Variants in ZNF423 observed in about 807,000 individuals in gnomAD.
ZNF423 encodes the protein Ebf-associated zinc finger protein.
In ZNF423, 12 loss-of-function variants were observed where a neutral mutation model predicts 95.8. The ratio of observed to expected loss-of-function variants is 0.13; its 90% CI spans 0.08 to 0.20. The LOEUF is 0.20. ZNF423 is among the 10% of genes least tolerant of loss of function. The probability of loss-of-function intolerance (pLI) is 1.00; values close to 1 mark genes in which losing one functional copy is unlikely to be tolerated. For missense variants in ZNF423, 1,316 were observed against 1,737.1 expected (o/e 0.76, Z 4.31); for synonymous variants, 749 against 711.9 (o/e 1.05, Z -0.83).
At chr16:49,547,412 T>C (rs1969478593) in intron 5 of ZNF423, among the ~76,000 whole-genome samples, 2 of 152,230 alleles carry the variant, frequency 1.3e-5, no homozygotes, top group Non-Finnish European at 2.9e-5. Flanking sequence ...AGAAGAGCCA[T>C]AAGGCTCAGC....
At chr16:49,764,017 A>C (rs955238662) in intron 2 of ZNF423, among the ~76,000 whole-genome samples, 10 of 152,212 alleles carry the variant, frequency 6.6e-5, no homozygotes, top group Non-Finnish European at 2.9e-5. Flanking sequence ...CCCCACGGGC[A>C]GGAGGAGACA....
chr16:49,657,155 C>A (rs541833943), intron 3 of ZNF423, among the ~76,000 whole-genome samples: 25 of 152,358 alleles, frequency 1.6e-4, no homozygotes, highest in African/African-American at 6.0e-4. Context: ...CTCAGGGTGA[C>A]ACGCTCCTTT....
chr16:49,849,446 T>C (rs1432588759), intron 1 of ZNF423, among the ~76,000 whole-genome samples: 1 of 152,222 alleles, frequency 6.6e-6, no homozygotes, highest in African/African-American at 2.4e-5. Flanking sequence ...AACAACCCAC[T>C]TGATAAGAGA....
At chr16:49,731,270 C>A (rs2033161880) in intron 2 of ZNF423, 1 of 974,108 alleles carries the variant, frequency 1.0e-6, no homozygotes, top group Admixed American at 6.2e-5. Context: ...CCTTATTTGT[C>A]TCCTAAAAAC....
At chr16:49,500,651 C>T (rs1967357698) in intron 7 of ZNF423, among the ~76,000 whole-genome samples, 1 of 151,928 alleles carries the variant, frequency 6.6e-6, no homozygotes, top group African/African-American at 2.4e-5. Context: ...GTGAGTGGCT[C>T]ATGCCCGGAA....
At chr16:49,854,255 G>A (rs1423280729) in intron 1 of ZNF423, 2 of 985,426 alleles carry the variant, frequency 2.0e-6, no homozygotes, top group Non-Finnish European at 2.4e-6. Flanking sequence ...GGAGGAGTAG[G>A]AACGGGCCGG....
intron 7 of ZNF423, among the ~76,000 whole-genome samples, chr16:49,508,832 T>C (rs1292337870): frequency 6.6e-6 from 1 of 152,168 alleles, no homozygotes; most frequent in Non-Finnish European, 1.5e-5. Flanking sequence ...ACCAACGCTG[T>C]ATTTTATTTA....
At chr16:49,520,870 A>T (rs1968368452) in intron 7 of ZNF423, among the ~76,000 whole-genome samples, 1 of 152,260 alleles carries the variant, frequency 6.6e-6, no homozygotes, top group Non-Finnish European at 1.5e-5. Flanking sequence ...TTATTTGCAT[A>T]GATTTGGCAT....
Position 49,749,528 on chromosome 16 carries a change from G to A in ZNF423, c.101-18557C>T, listed in dbSNP as rs150931257. Among the ~76,000 whole-genome samples, 67 of 152,384 alleles carry A rather than the reference G, an allele frequency of 4.4e-4. 2 individuals are homozygous for A. Among genetic ancestry groups the A allele is most frequent in the African/African-American group, 1.2e-3 (50 of 41,596 alleles). On this transcript the variant is annotated intron_variant, in intron 2 of 7. Coordinates refer to ENST00000563137, the MANE Select transcript of ZNF423 (RefSeq NM_001379286.1). ...AAACACCTGAAATCTCACTACCAGA[G>A]CTTGGGGCTGTGACCACTTTGATGA... is the stretch of plus-strand genomic sequence containing the variant.
intron 5 of ZNF423, among the ~76,000 whole-genome samples, chr16:49,585,257 C>G (rs1349001216): frequency 6.6e-6 from 1 of 152,312 alleles, no homozygotes; most frequent in South Asian, 2.1e-4. Context: ...TGGCTGCCCC[C>G]AGAACACAGA....
chr16:49,624,119 T>G (rs1246757372), intron 5 of ZNF423, among the ~76,000 whole-genome samples: 1 of 152,068 alleles, frequency 6.6e-6, no homozygotes, highest in Non-Finnish European at 1.5e-5. Flanking sequence ...AATCCTATAT[T>G]CCCATTTTAT....
intron 2 of ZNF423, among the ~76,000 whole-genome samples, chr16:49,748,179 C>A (rs183628743): frequency 3.5e-4 from 54 of 152,332 alleles, no homozygotes; most frequent in African/African-American, 1.3e-3. Flanking sequence ...GTGCCTGGCA[C>A]GTAGTAGGTG....
intron 5 of ZNF423, among the ~76,000 whole-genome samples, chr16:49,586,212 C>T (rs1355404993): frequency 1.3e-5 from 2 of 151,956 alleles, no homozygotes; most frequent in Non-Finnish European, 1.5e-5. Flanking sequence ...CCGCCTGCGT[C>T]GCTGACAGAG....
chr16:49,756,265 G>A (rs1313409825), intron 2 of ZNF423, among the ~76,000 whole-genome samples: 2 of 152,222 alleles, frequency 1.3e-5, no homozygotes, highest in African/African-American at 4.8e-5. Flanking sequence ...TGAGGTCTAA[G>A]AGGCTCTAAG....
intron 2 of ZNF423, among the ~76,000 whole-genome samples, chr16:49,766,709 T>C (rs995912325): frequency 6.6e-6 from 1 of 152,200 alleles, no homozygotes; most frequent in Non-Finnish European, 1.5e-5. Context: ...TCTCTGCATC[T>C]CGGCAATAAA....
intron 7 of ZNF423, among the ~76,000 whole-genome samples, chr16:49,502,386 C>T (rs1967444850): frequency 6.6e-6 from 1 of 152,180 alleles, no homozygotes; most frequent in Admixed American, 6.5e-5. Flanking sequence ...GGCATTCCCA[C>T]CCAGCCAGCC....
intron 3 of ZNF423, among the ~76,000 whole-genome samples, chr16:49,701,753 G>A (rs772591773): frequency 3.3e-5 from 5 of 152,140 alleles, no homozygotes; most frequent in Non-Finnish European, 5.9e-5. Context: ...CCCCTTCCCC[G>A]TTGCAGATTT....
chr16:49,858,726 C>G (rs1004827337), upstream of ZNF423, among the ~76,000 whole-genome samples: 5 of 143,718 alleles, frequency 3.5e-5, no homozygotes, highest in African/African-American at 7.6e-5. This position sits in a 1 kb window ranked among gnomAD's most constrained non-coding sequence, Gnocchi z 4.3. Flanking sequence ...AGCCCCCCCC[C>G]CCACGCCCCC....
At chr16:49,755,833 A>T (rs1365765913) in intron 2 of ZNF423, among the ~76,000 whole-genome samples, 1 of 152,228 alleles carries the variant, frequency 6.6e-6, no homozygotes, top group African/African-American at 2.4e-5. Context: ...AAAGGACTTC[A>T]GGTCTGAGCT....
Sources: gnomAD v4.1 joint callset for allele counts (sites outside exome capture counted in the v4.1 genomes callset) on GRCh38, gnomAD v4.1.1 for gene constraint, Gnocchi (gnomAD v3.1) non-coding constraint, MANE v1.5 for transcripts, NCBI Gene and HGNC (gene_info 2026-07-23, HGNC 2026-07-21) for gene names.